Variants in CASQ2 observed in about 807,000 individuals in gnomAD.
The protein encoded by CASQ2 is calsequestrin 2.
Under a neutral mutation model 46.5 loss-of-function variants are expected in CASQ2, and 49 were observed. That is an observed-to-expected ratio of 1.05 (90% CI 0.84 to 1.34). The LOEUF (loss-of-function observed/expected upper bound fraction) is 1.34. CASQ2 is among the 40% of genes most tolerant of loss of function. The pLI, the probability that CASQ2 is intolerant of heterozygous loss-of-function variation, is 0.00. For synonymous variants in CASQ2, 174 were observed against 168.5 expected (o/e 1.03, Z -0.25); for missense variants, 486 against 481.3 (o/e 1.01, Z -0.09).
At chr1:115,732,787 G>A in intron 5 of CASQ2, 114 bp downstream of exon 5, 2 of 772,972 alleles carry the variant, frequency 2.6e-6, no homozygotes, top group South Asian at 2.8e-5. Flanking sequence ...TCTAGAGAAA[G>A]AGGCAAGGGA....
intron 1 of CASQ2, among the ~76,000 whole-genome samples, chr1:115,766,655 T>C (rs10923422): frequency 0.047 from 7,227 of 152,238 alleles, 601 homozygotes; most frequent in African/African-American, 0.17. Context: ...TTTCTCCTAA[T>C]GATGCCTCAC....
At position 115,705,294 on chromosome 1, in the gene CASQ2, T is replaced by C. The variant is rs1338756025; in HGVS notation, c.839-2A>G. 1.2e-6 allele frequency: 2 copies of C among 1,603,376 alleles called. No homozygotes were observed. Among genetic ancestry groups the C allele is most frequent in the Admixed American group, 3.3e-5 (2 of 60,018 alleles). On this transcript the variant is annotated splice_acceptor_variant, in intron 8 of 10. Coordinates refer to ENST00000261448, the MANE Select transcript of CASQ2 (RefSeq NM_001232.4). LOFTEE classifies it high-confidence loss of function. ...GGATCTCCAGGAATTCGTAGCCATC[T>C]GAAACAGGATTCAAGAGAGTTGAGT...
chr1:115,701,198 G>A lies in CASQ2; in HGVS notation c.*43C>T, dbSNP rs768209948. 6.2e-7 allele frequency: 1 copy of A among 1,613,028 alleles called. No individual in the cohort carries two copies. Among genetic ancestry groups the A allele is most frequent in the East Asian group, 2.2e-5 (1 of 44,888 alleles). On this transcript the variant is annotated 3_prime_UTR_variant, in exon 11 of 11. Transcript: ENST00000261448. Reference sequence around the variant, plus strand: ...CACCTTGTGCTGTCTGTATGGTAGTGGGTGCTGTGATTTTGTTTTCATCAG... The same window carrying A: ...CACCTTGTGCTGTCTGTATGGTAGTAGGTGCTGTGATTTTGTTTTCATCAG...
intron 8 of CASQ2, among the ~76,000 whole-genome samples, chr1:115,713,651 G>A (rs533884816): frequency 7.9e-5 from 12 of 152,318 alleles, no homozygotes; most frequent in South Asian, 4.1e-4. Flanking sequence ...ACAGTGGGAG[G>A]AAGCCTGACT....
At chr1:115,767,162 C>G (rs986372663) in intron 1 of CASQ2, among the ~76,000 whole-genome samples, 1 of 152,090 alleles carries the variant, frequency 6.6e-6, no homozygotes, top group Non-Finnish European at 1.5e-5. Context: ...TAAGCAGCAG[C>G]TAAGTTCTAT....
rs1455056387 is a variant in CASQ2 at position 115,739,378 on chromosome 1, G to A, written c.421-1043C>T. ...GATCAGCCCACCTTGGCCTCCCAAA[G>A]TGCTGGGATTACAGGCATGAGCCAC... On this transcript the variant is annotated intron_variant, in intron 3 of 10. Coordinates refer to ENST00000261448, the MANE Select transcript of CASQ2 (RefSeq NM_001232.4). Among the ~76,000 whole-genome samples the A allele has an allele frequency of 1.3e-5, 2 of 151,934 alleles. 1 individual carries two copies. Among genetic ancestry groups the A allele is most frequent in the Non-Finnish European group, 2.9e-5 (2 of 67,970 alleles).
chr1:115,714,666 C>G (rs566321885), intron 8 of CASQ2, among the ~76,000 whole-genome samples: 1 of 152,130 alleles, frequency 6.6e-6, no homozygotes, highest in African/African-American at 2.4e-5. Flanking sequence ...GCCCATTGCC[C>G]CAGGTTACAC....
At chr1:115,742,718 G>A (rs1191235225) in intron 2 of CASQ2, among the ~76,000 whole-genome samples, 1 of 152,166 alleles carries the variant, frequency 6.6e-6, no homozygotes, top group Admixed American at 6.5e-5. Context: ...CAATGGGAAG[G>A]CAGAAGAAGA....
At chr1:115,750,857 AT>A (rs1164682016) in intron 1 of CASQ2, among the ~76,000 whole-genome samples, 1 of 152,260 alleles carries the variant, frequency 6.6e-6, no homozygotes. Context: ...AGAAGTGGAT[AT>A]TTATAATATA....
At chr1:115,703,022 A>G (rs1411281782) in intron 9 of CASQ2, 27 bp from the exon 10 acceptor site, 2 of 1,589,038 alleles carry the variant, frequency 1.3e-6, no homozygotes, top group Non-Finnish European at 1.7e-6. Flanking sequence ...ATAAGATTAG[A>G]CAGCAGGCAG....
chr1:115,748,229 T>G (rs902236145), intron 1 of CASQ2, among the ~76,000 whole-genome samples: 5 of 152,232 alleles, frequency 3.3e-5, no homozygotes, highest in Admixed American at 6.5e-5. Flanking sequence ...CTTTGATATC[T>G]TCTTCATTTT....
chr1:115,760,627 C>T (rs1195353560), intron 1 of CASQ2, among the ~76,000 whole-genome samples: 2 of 152,210 alleles, frequency 1.3e-5, no homozygotes, highest in African/African-American at 2.4e-5. Context: ...CTTAACAGCA[C>T]TCAGAAAGCT....
intron 4 of CASQ2, among the ~76,000 whole-genome samples, chr1:115,737,468 C>T (rs535703767): frequency 4.6e-5 from 7 of 152,314 alleles, no homozygotes; most frequent in Admixed American, 2.0e-4. Flanking sequence ...TGCTCACCCG[C>T]TCTAATGCTG....
At chr1:115,711,019 C>T (rs1172774051) in intron 8 of CASQ2, among the ~76,000 whole-genome samples, 3 of 152,334 alleles carry the variant, frequency 2.0e-5, no homozygotes, top group Non-Finnish European at 1.5e-5. Context: ...AGGCCACATT[C>T]GGCAGAGGCT....
At chr1:115,741,552 T>C (rs577293025) in intron 2 of CASQ2, among the ~76,000 whole-genome samples, 1 of 152,206 alleles carries the variant, frequency 6.6e-6, no homozygotes, top group Non-Finnish European at 1.5e-5. Flanking sequence ...GTCTTCTTGG[T>C]ATCCCAGAGC....
intron 8 of CASQ2, among the ~76,000 whole-genome samples, chr1:115,714,419 C>G (rs138897242): frequency 1.3e-5 from 2 of 152,332 alleles, no homozygotes; most frequent in South Asian, 4.1e-4. Flanking sequence ...GCACGTATTA[C>G]AGAGTGGCTT....
At chr1:115,709,198 T>C (rs1352185787) in intron 8 of CASQ2, among the ~76,000 whole-genome samples, 2 of 152,202 alleles carry the variant, frequency 1.3e-5, no homozygotes, top group Non-Finnish European at 2.9e-5. Context: ...TTCAATTTTT[T>C]TCCAAAGAGA....
chr1:115,721,942 G>C (rs1042362215), intron 7 of CASQ2, among the ~76,000 whole-genome samples: 1 of 152,180 alleles, frequency 6.6e-6, no homozygotes, highest in African/African-American at 2.4e-5. Flanking sequence ...CTGTGGCCAC[G>C]TGGCCCACAG....
chr1:115,724,079 T>C (rs749288987), intron 7 of CASQ2, among the ~76,000 whole-genome samples: 5 of 152,188 alleles, frequency 3.3e-5, no homozygotes, highest in Non-Finnish European at 7.3e-5. Flanking sequence ...AATACTTCCG[T>C]GTTAATTCCT....
Sources: allele counts gnomAD v4.1 joint callset (sites outside exome capture counted in the v4.1 genomes callset), GRCh38; gene constraint gnomAD v4.1.1; transcripts MANE v1.5; gene names NCBI Gene and HGNC (gene_info 2026-07-23, HGNC 2026-07-21).